PTPRD: variants seen among roughly 807,000 people sequenced by gnomAD.
The protein encoded by PTPRD is receptor-type tyrosine-protein phosphatase delta.
In PTPRD, 34 loss-of-function variants were observed where a neutral mutation model predicts 214.5. The ratio of observed to expected loss-of-function variants is 0.16; its 90% CI spans 0.12 to 0.21. PTPRD has a LOEUF of 0.21. Ranked by LOEUF, PTPRD falls within the 10% of genes least tolerant of loss-of-function variation. PTPRD has a pLI of 1.00. For missense variants in PTPRD, 2,545 were observed against 2,398.7 expected, an observed-to-expected ratio of 1.06 and a Z score of -1.27; for synonymous variants, 1,128 against 845.7, an observed-to-expected ratio of 1.33 and a Z score of -5.79.
intron 5 of PTPRD, among the ~76,000 whole-genome samples, chr9:9,899,126 A>G (rs571884894): frequency 6.6e-6 from 1 of 152,228 alleles, no homozygotes; most frequent in South Asian, 2.1e-4. Flanking sequence ...AAGTTTAATA[A>G]ATAACTTTTA....
At chr9:8,867,262 TGC>T (rs1432374602) in intron 11 of PTPRD, among the ~76,000 whole-genome samples, 1 of 152,104 alleles carries the variant, frequency 6.6e-6, no homozygotes, top group Admixed American at 6.6e-5. Context: ...TCATTATCCA[TGC>T]AAGGAGATGA....
chr9:8,816,388 G>C (rs1252597967), intron 11 of PTPRD, among the ~76,000 whole-genome samples: 2 of 152,148 alleles, frequency 1.3e-5, no homozygotes, highest in Non-Finnish European at 2.9e-5. Context: ...GCACTCTTTT[G>C]ATTGTTGAGG....
intron 4 of PTPRD, among the ~76,000 whole-genome samples, chr9:9,985,707 T>C (rs912898492): frequency 3.3e-5 from 5 of 152,004 alleles, no homozygotes; most frequent in African/African-American, 9.7e-5. Flanking sequence ...CCACATGGCA[T>C]AAATATAAGT....
chr9:9,908,073 T>C (rs371016130), intron 5 of PTPRD, among the ~76,000 whole-genome samples: 20 of 44,868 alleles, frequency 4.5e-4, no homozygotes, highest in African/African-American at 9.7e-4. Context: ...AAAGAGAACA[T>C]TAAGACAAAA....
chr9:8,575,884 G>C (rs2092283787), intron 14 of PTPRD, among the ~76,000 whole-genome samples: 1 of 152,178 alleles, frequency 6.6e-6, no homozygotes, highest in Non-Finnish European at 1.5e-5. Flanking sequence ...GCAAAGACTA[G>C]CTAGGGATGC....
intron 12 of PTPRD, among the ~76,000 whole-genome samples, chr9:8,699,321 G>A (rs2098015636): frequency 6.6e-6 from 1 of 152,034 alleles, no homozygotes; most frequent in Admixed American, 6.6e-5. Flanking sequence ...AGAAAGATGA[G>A]GCAGACAAAG....
intron 14 of PTPRD, among the ~76,000 whole-genome samples, chr9:8,614,352 G>C (rs1377485931): frequency 6.6e-6 from 1 of 152,066 alleles, no homozygotes; most frequent in Non-Finnish European, 1.5e-5. Context: ...TGCATTTGTG[G>C]CAAATGAGAC....
intron 12 of PTPRD, among the ~76,000 whole-genome samples, chr9:8,669,318 T>C (rs573159213): frequency 3.0e-4 from 46 of 152,122 alleles, no homozygotes; most frequent in Non-Finnish European, 4.7e-4. Flanking sequence ...TTTCTTACCA[T>C]GTATCTCCTG....
intron 11 of PTPRD, among the ~76,000 whole-genome samples, chr9:8,759,348 G>A (rs116510594): frequency 8.9e-4 from 135 of 152,036 alleles, no homozygotes; most frequent in African/African-American, 3.0e-3. Context: ...CACCATGCCC[G>A]GCCTAATGTT....
At chr9:9,171,061 A>G (rs2099913690) in intron 10 of PTPRD, among the ~76,000 whole-genome samples, 1 of 152,206 alleles carries the variant, frequency 6.6e-6, no homozygotes, top group African/African-American at 2.4e-5. Flanking sequence ...GGGCAGCAGT[A>G]CCATGTTCTC....
chr9:8,814,413 C>T (rs1344512451), intron 11 of PTPRD, among the ~76,000 whole-genome samples: 3 of 151,970 alleles, frequency 2.0e-5, no homozygotes, highest in Non-Finnish European at 2.9e-5. Context: ...AGGGGAAGAC[C>T]CCACAGAAGG....
At chr9:8,489,945 C>A (rs191741418) in intron 27 of PTPRD, among the ~76,000 whole-genome samples, 2 of 152,270 alleles carry the variant, frequency 1.3e-5, no homozygotes, top group Admixed American at 1.3e-4. Context: ...GGTCCATGTT[C>A]TCTAATACAG....
chr9:9,213,149 T>C (rs1569562945), intron 9 of PTPRD, among the ~76,000 whole-genome samples: 1 of 152,230 alleles, frequency 6.6e-6, no homozygotes. Flanking sequence ...GGTGCTCTTA[T>C]ATACCACTAT....
At chr9:8,997,794 A>G (rs1393354285) in intron 11 of PTPRD, among the ~76,000 whole-genome samples, 1 of 152,108 alleles carries the variant, frequency 6.6e-6, no homozygotes, top group African/African-American at 2.4e-5. Flanking sequence ...CAAACTGTGA[A>G]TGCAAAGGAA....
chr9:8,942,890 A>T (rs73425753), intron 11 of PTPRD, among the ~76,000 whole-genome samples: 21,603 of 152,072 alleles, frequency 0.14, 1,906 homozygotes, highest in Non-Finnish European at 0.2. Flanking sequence ...AAACCTAAAG[A>T]CTCCACCAAA....
At chr9:9,447,811 G>A (rs1429047083) in intron 8 of PTPRD, among the ~76,000 whole-genome samples, 1 of 152,130 alleles carries the variant, frequency 6.6e-6, no homozygotes, top group East Asian at 1.9e-4. Context: ...CTAGGGAAGG[G>A]AAAGATGAGT....
intron 2 of PTPRD, among the ~76,000 whole-genome samples, chr9:10,372,995 G>C (rs1184690015): frequency 6.6e-6 from 1 of 151,386 alleles, no homozygotes; most frequent in Non-Finnish European, 1.5e-5. Context: ...ACCATGCCCA[G>C]CTAATTTTTG....
intron 2 of PTPRD, among the ~76,000 whole-genome samples, chr9:10,361,420 G>T (rs557639470): frequency 1.2e-4 from 18 of 152,270 alleles, no homozygotes; most frequent in African/African-American, 4.1e-4. Context: ...AACCACCGAT[G>T]TAGACAAGGG....
intron 9 of PTPRD, among the ~76,000 whole-genome samples, chr9:9,202,595 G>C (rs1435771788): frequency 6.6e-6 from 1 of 152,134 alleles, no homozygotes. Flanking sequence ...TCTAGTTGGG[G>C]GATGGGGGGT....
Sources: gnomAD v4.1 joint callset for allele counts (sites outside exome capture counted in the v4.1 genomes callset) on GRCh38, gnomAD v4.1.1 for gene constraint, MANE v1.5 for transcripts, NCBI Gene and HGNC (gene_info 2026-07-23, HGNC 2026-07-21) for gene names.